The following SAMTOR variants were observed in gnomAD, a reference collection of about 807,000 sequenced individuals.
SAMTOR encodes the protein S-adenosylmethionine sensor upstream of mTORC1.
At chr7:112,864,804 G>A in the SAMTOR span, among the ~76,000 whole-genome samples, 631 of 152,080 alleles carry the variant, frequency 4.1e-3, 3 homozygotes, top group African/African-American at 0.014. Context: ...ACCTAGGCTC[G>A]AGTGCAGTGG....
the SAMTOR span, among the ~76,000 whole-genome samples, chr7:112,858,243 T>C: frequency 6.6e-6 from 1 of 152,114 alleles, no homozygotes; most frequent in East Asian, 1.9e-4. Flanking sequence ...ATTCATAGTC[T>C]TTGAACTGCA....
chr7:112,916,124 T>A, the SAMTOR span, among the ~76,000 whole-genome samples: 1 of 152,172 alleles, frequency 6.6e-6, no homozygotes, highest in South Asian at 2.1e-4. Context: ...TTTGGAAGCC[T>A]CTCCAAAGTT....
At chr7:112,858,471 AATC>A in the SAMTOR span, among the ~76,000 whole-genome samples, 1 of 152,076 alleles carries the variant, frequency 6.6e-6, no homozygotes, top group Non-Finnish European at 1.5e-5. Flanking sequence ...GAGATAGTAA[AATC>A]ATTACAGAAT....
the SAMTOR span, among the ~76,000 whole-genome samples, chr7:112,922,426 G>T: frequency 6.6e-6 from 1 of 152,038 alleles, no homozygotes; most frequent in Non-Finnish European, 1.5e-5. Flanking sequence ...CATCGTCTGG[G>T]ATGTGAGGAG....
the SAMTOR span, among the ~76,000 whole-genome samples, chr7:112,907,839 TTA>T: frequency 9.0e-6 from 1 of 111,138 alleles, no homozygotes; most frequent in African/African-American, 3.1e-5. Flanking sequence ...GTATTCTTAC[TTA>T]CTTATTTATT....
chr7:112,862,961 C>T, the SAMTOR span, among the ~76,000 whole-genome samples: 50 of 152,070 alleles, frequency 3.3e-4, no homozygotes, highest in Middle Eastern at 0.017. Context: ...ATTCTCTAAC[C>T]CTTTCTTAAG....
the SAMTOR span, among the ~76,000 whole-genome samples, chr7:112,867,256 T>C: frequency 6.6e-6 from 1 of 152,200 alleles, no homozygotes; most frequent in Non-Finnish European, 1.5e-5. Flanking sequence ...ACAGTGAATT[T>C]TCAACCTCTC....
chr7:112,876,776 TTTA>T, the SAMTOR span, among the ~76,000 whole-genome samples: 1 of 152,238 alleles, frequency 6.6e-6, no homozygotes, highest in Middle Eastern at 3.2e-3. Flanking sequence ...TTCAAAGCTC[TTTA>T]TTATCTAAAA....
chr7:112,927,600 AAGAG>A, the SAMTOR span, among the ~76,000 whole-genome samples: 4 of 152,086 alleles, frequency 2.6e-5, no homozygotes, highest in South Asian at 6.2e-4. Flanking sequence ...GACAGAGAGA[AAGAG>A]AGAGAGAAAG....
At chr7:112,854,711 A>G in the SAMTOR span, among the ~76,000 whole-genome samples, 1 of 152,152 alleles carries the variant, frequency 6.6e-6, no homozygotes, top group East Asian at 1.9e-4. Context: ...TTTGCTGACA[A>G]ACTCCCTTTT....
At chr7:112,821,627 C>A in the SAMTOR span, 3 of 965,170 alleles carry the variant, frequency 3.1e-6, no homozygotes, top group Non-Finnish European at 4.5e-6. Context: ...ACTCTGTAAA[C>A]CTCTGCATTT....
the SAMTOR span, chr7:112,822,342 TG>T: frequency 6.2e-7 from 1 of 1,607,258 alleles, no homozygotes; most frequent in African/African-American, 1.3e-5. Flanking sequence ...TTGCTGAAGC[TG>T]TAAGTTCAGG....
chr7:112,921,096 C>A, the SAMTOR span, among the ~76,000 whole-genome samples: 1 of 152,176 alleles, frequency 6.6e-6, no homozygotes, highest in Non-Finnish European at 1.5e-5. Flanking sequence ...GAAAAAACTA[C>A]TTTAAAGTTC....
At chr7:112,929,518 T>A in the SAMTOR span, among the ~76,000 whole-genome samples, 9 of 151,976 alleles carry the variant, frequency 5.9e-5, no homozygotes, top group Admixed American at 4.6e-4. Context: ...GCCAAAACAG[T>A]ATGGAGGTTC....
the SAMTOR span, among the ~76,000 whole-genome samples, chr7:112,917,294 C>T: frequency 1.3e-5 from 2 of 152,210 alleles, no homozygotes; most frequent in Non-Finnish European, 2.9e-5. Flanking sequence ...TCGCGGTTCA[C>T]GAAAATCTGC....
chr7:112,834,246 A>G, the SAMTOR span, among the ~76,000 whole-genome samples: 1 of 152,120 alleles, frequency 6.6e-6, no homozygotes, highest in South Asian at 2.1e-4. Flanking sequence ...ATAGTTATCC[A>G]TTTACTTAAA....
At chr7:112,889,358 C>T in the SAMTOR span, among the ~76,000 whole-genome samples, 2 of 152,034 alleles carry the variant, frequency 1.3e-5, no homozygotes, top group Non-Finnish European at 2.9e-5. Flanking sequence ...TAAAATACAC[C>T]AATAGTTTAT....
the SAMTOR span, among the ~76,000 whole-genome samples, chr7:112,902,558 T>C: frequency 1.5e-4 from 22 of 150,918 alleles, no homozygotes; most frequent in Non-Finnish European, 2.9e-4. Flanking sequence ...GGAGGATACA[T>C]GTCATTATAC....
the SAMTOR span, among the ~76,000 whole-genome samples, chr7:112,931,109 T>C: frequency 6.6e-6 from 1 of 152,220 alleles, no homozygotes. Flanking sequence ...TGGCTGCACA[T>C]TGGAATCACC....
Sources: allele counts gnomAD v4.1 joint callset (sites outside exome capture counted in the v4.1 genomes callset), GRCh38; gene constraint gnomAD v4.1.1; transcripts MANE v1.5; gene names NCBI Gene and HGNC (gene_info 2026-07-23, HGNC 2026-07-21).